Variants in SPG21 observed in about 807,000 individuals in gnomAD.
The protein encoded by SPG21 is maspardin.
Under a neutral mutation model 38.9 loss-of-function variants are expected in SPG21, and 26 were observed. The ratio of observed to expected loss-of-function variants is 0.67; its 90% CI spans 0.49 to 0.93. SPG21 has a LOEUF of 0.93. Ranked by LOEUF, SPG21 falls within the 40% of genes least tolerant of loss-of-function variation. The pLI, the probability that SPG21 is intolerant of heterozygous loss-of-function variation, is 0.00. For synonymous variants in SPG21, 136 were observed against 128.9 expected, an observed-to-expected ratio of 1.05 and a Z score of -0.37; for missense variants, 333 against 376.5, an observed-to-expected ratio of 0.88 and a Z score of 0.96.
rs1313037809 is a variant in SPG21, at chr15:64,986,385, T to A, written c.-24-2792A>T. Reference sequence around the variant, plus strand: ...AATCTCAAAAAAACAAACAAAAAAATTAATATGTTAAAAAATTTTGCCAGG... The same window carrying A: ...AATCTCAAAAAAACAAACAAAAAAAATAATATGTTAAAAAATTTTGCCAGG... On this transcript the variant is annotated intron_variant, in intron 1 of 8. Coordinates refer to ENST00000204566, the MANE Select transcript of SPG21 (RefSeq NM_016630.7). Among the ~76,000 whole-genome samples, 4 of 135,952 alleles carry A rather than the reference T, an allele frequency of 2.9e-5. No individual in the cohort carries two copies. In the South Asian group the frequency reaches 9.5e-4, roughly 32 times the overall value. The allele number at this position is 135,952 out of a possible 152,430, so 89.2% of individuals were successfully genotyped here.
intron 7 of SPG21, among the ~76,000 whole-genome samples, chr15:64,966,576 T>G (rs1215659206): frequency 1.3e-5 from 2 of 152,142 alleles, no homozygotes; most frequent in African/African-American, 4.8e-5. Flanking sequence ...TTATAATGAA[T>G]AATTTCCCAA....
chr15:64,979,845 C>CAAAAAAAA (rs71136305), intron 3 of SPG21, among the ~76,000 whole-genome samples: 18 of 89,522 alleles, frequency 2.0e-4, no homozygotes, highest in African/African-American at 8.4e-4. Flanking sequence ...TGGAAGCATG[C>CAAAAAAAA]AAAAAAAAAA....
At position 64,970,122 on chromosome 15, in the gene SPG21, C is replaced by T; in HGVS notation, c.553G>A (p.Val185Ile). The T allele has an allele frequency of 6.2e-7, 1 of 1,613,252 alleles. No homozygotes were observed. The highest frequency in any genetic ancestry group is 8.5e-7 in the Non-Finnish European group (1 of 1,179,238). Residue 185 changes from valine (V) to isoleucine (I), a missense_variant, in exon 6 of 9, where the codon GTA becomes ATA. Physicochemically the swap from Val to Ile is conservative, Grantham distance 29. Transcript: ENST00000204566. The part of the protein sequence containing the change: ...PMMADAIDFM[V>I]DRLESLGQSE... Reference sequence around the variant, plus strand: ...AATGTCATGATCCTTACCCTGTCTACCATGAAATCAATGGCATCAGCCATC... The same window carrying T: ...AATGTCATGATCCTTACCCTGTCTATCATGAAATCAATGGCATCAGCCATC...
intron 3 of SPG21, 31 bp downstream of exon 3, chr15:64,980,833 G>C: frequency 6.2e-7 from 1 of 1,604,830 alleles, no homozygotes. Context: ...CACACAAAAC[G>C]TGGGTCTGAA....
chr15:64,972,900 T>A (rs1224704837), intron 5 of SPG21, among the ~76,000 whole-genome samples: 1 of 152,066 alleles, frequency 6.6e-6, no homozygotes, highest in East Asian at 1.9e-4. Flanking sequence ...CAATTTTAAG[T>A]AGATGTGAAA....
At chr15:64,968,340 C>CCAAA (rs1260971823) in intron 7 of SPG21, among the ~76,000 whole-genome samples, 4 of 109,702 alleles carry the variant, frequency 3.6e-5, no homozygotes, top group African/African-American at 1.5e-4. Flanking sequence ...ACCCTGTTTC[C>CCAAA]AAAAAAAAAA....
intron 8 of SPG21, 27 bp downstream of exon 8, chr15:64,965,293 T>C (rs1453273009): frequency 1.5e-5 from 25 of 1,613,976 alleles, no homozygotes; most frequent in Non-Finnish European, 2.0e-5. Context: ...GGGCTCAGAG[T>C]GCTCTGGGTT....
intron 2 of SPG21, chr15:64,981,329 GC>G (rs2085883211): frequency 3.1e-6 from 1 of 326,824 alleles, no homozygotes; most frequent in Admixed American, 4.9e-5. Context: ...TCGCTCTGTA[GC>G]CCAGGCTGGA....
chr15:64,986,523 TA>T (rs1314749829), intron 1 of SPG21, among the ~76,000 whole-genome samples: 1 of 151,506 alleles, frequency 6.6e-6, no homozygotes, highest in South Asian at 2.1e-4. Context: ...CCATCTCTAC[TA>T]AAAATACAAA....
intron 5 of SPG21, among the ~76,000 whole-genome samples, chr15:64,973,966 G>A (rs1595872540): frequency 6.7e-6 from 1 of 148,230 alleles, no homozygotes; most frequent in African/African-American, 2.5e-5. Context: ...ATAAAACTAT[G>A]TCAGTCAATA....
Position 64,980,776 on chromosome 15 carries a change from G to A in SPG21, c.225+88C>T, listed in dbSNP as rs533571950. The A allele has an allele frequency of 1.3e-4, 171 of 1,296,664 alleles. No individual in the cohort carries two copies. The South Asian group carries it at 2.1e-3, about 16-fold the overall frequency. The allele number at this position is 1,296,664 out of a possible 1,614,324, so 80.3% of individuals were successfully genotyped here. On this transcript the variant is annotated intron_variant, in intron 3 of 8. Transcript: ENST00000204566. ...ACAAACAAACAAACAAACAAACTGT[G>A]CCCATTACTATAGCTGATGAGAGAC...
chr15:64,979,593 G>T (rs1012374983), intron 3 of SPG21, among the ~76,000 whole-genome samples: 12 of 152,140 alleles, frequency 7.9e-5, no homozygotes, highest in African/African-American at 2.4e-4. Flanking sequence ...GCTCTCAGGA[G>T]GAAGAGGAAC....
chr15:64,986,581 C>T (rs960632164), intron 1 of SPG21, among the ~76,000 whole-genome samples: 2 of 149,240 alleles, frequency 1.3e-5, no homozygotes, highest in African/African-American at 2.5e-5. Context: ...CCCAAATACT[C>T]GGGAGGCGAG....
chr15:64,977,990 T>C (rs756185189), intron 3 of SPG21, among the ~76,000 whole-genome samples: 1 of 151,928 alleles, frequency 6.6e-6, no homozygotes, highest in Non-Finnish European at 1.5e-5. Context: ...ACCCGACTAA[T>C]TTTTTGTTGT....
At chr15:64,968,414 C>T (rs1397608994) in intron 7 of SPG21, among the ~76,000 whole-genome samples, 4 of 147,596 alleles carry the variant, frequency 2.7e-5, no homozygotes, top group Admixed American at 2.7e-4. Flanking sequence ...TCTTGTGAAA[C>T]ATTATGCTAA....
At position 64,976,535 on chromosome 15, in the gene SPG21, C is replaced by G. The variant is rs1257939128; in HGVS notation, c.246G>C (p.Trp82Cys). ...RVIALQYPVY[W>C]DHLEFCDGFR... ...ATCCATCACAGAACTCGAGATGGTC[C>G]CAATAAACTGGATACTGCAACTGAA... Residue 82 changes from tryptophan (W) to cysteine (C), a missense_variant, in exon 4 of 9, where the codon TGG (tryptophan) becomes TGC (cysteine). Coordinates refer to ENST00000204566, the MANE Select transcript of SPG21 (RefSeq NM_016630.7). The G allele has an allele frequency of 6.2e-7, 1 of 1,612,306 alleles. No individual in the cohort carries two copies. The highest frequency in any genetic ancestry group is 1.3e-5 in the African/African-American group (1 of 74,956).
chr15:64,970,626 G>C (rs1395691640), intron 5 of SPG21, among the ~76,000 whole-genome samples: 2 of 152,120 alleles, frequency 1.3e-5, no homozygotes, highest in African/African-American at 4.8e-5. Flanking sequence ...TTTCAAAACA[G>C]ATTTCAAAAT....
intron 1 of SPG21, chr15:64,989,177 T>A (rs1397432614): frequency 6.6e-6 from 1 of 151,886 alleles, no homozygotes; most frequent in Non-Finnish European, 1.5e-5. Flanking sequence ...ACCTTACACC[T>A]GGCCCACACT....
chr15:64,968,702 AC>A (rs2085598651), intron 7 of SPG21, among the ~76,000 whole-genome samples: 1 of 152,168 alleles, frequency 6.6e-6, no homozygotes, highest in Non-Finnish European at 1.5e-5. Flanking sequence ...TGTACATTTT[AC>A]CACAATAAAA....
Sources: allele counts gnomAD v4.1 joint callset (sites outside exome capture counted in the v4.1 genomes callset), GRCh38; gene constraint gnomAD v4.1.1; transcripts MANE v1.5; gene names NCBI Gene and HGNC (gene_info 2026-07-23, HGNC 2026-07-21).